Variants in NTAN1 observed in about 807,000 individuals in gnomAD.
The protein encoded by NTAN1 is protein N-terminal asparagine amidohydrolase.
A neutral mutation model predicts 41.9 loss-of-function variants in NTAN1; 32 were observed. The observed-to-expected ratio is 0.76, with a 90% CI of 0.58 to 1.03. The LOEUF (loss-of-function observed/expected upper bound fraction) is 1.03, where lower values mean the gene tolerates loss of function less well. Among genes scored for constraint, NTAN1 ranks in the 50% least tolerant of loss-of-function variants. The pLI is 0.00. For missense variants in NTAN1, 377 were observed against 377.5 expected, an observed-to-expected ratio of 1.00 and a Z score of 0.01; for synonymous variants, 140 against 139.5, an observed-to-expected ratio of 1.00 and a Z score of -0.03.
chr16:15,048,725 G>A (rs1237313857), intron 1 of NTAN1, among the ~76,000 whole-genome samples: 1 of 152,164 alleles, frequency 6.6e-6, no homozygotes, highest in African/African-American at 2.4e-5. Flanking sequence ...CCAGGCTCAA[G>A]CGATCCTACC....
At position 15,041,067 on chromosome 16, in the gene NTAN1, C is replaced by A. The variant is rs755348285; in HGVS notation, c.541+1G>T. Reference sequence around the variant, plus strand: ...ACCCACAAAAGATGCACACTACTTACCAATGCCATATATTACTGGAAAGTG... The same window carrying A: ...ACCCACAAAAGATGCACACTACTTAACAATGCCATATATTACTGGAAAGTG... On this transcript the variant is annotated splice_donor_variant, in intron 7 of 9. Transcript: ENST00000287706. LOFTEE classifies it high-confidence loss of function. 2 of 1,594,156 alleles carry A rather than the reference C, an allele frequency of 1.3e-6. No homozygotes were observed. The highest frequency in any genetic ancestry group is 1.1e-5 in the South Asian group (1 of 90,712).
chr16:15,051,815 C>T (rs559619523), intron 1 of NTAN1, among the ~76,000 whole-genome samples: 2 of 145,538 alleles, frequency 1.4e-5, no homozygotes, highest in African/African-American at 2.6e-5. Flanking sequence ...ATCCTCCCAC[C>T]TCAGCCTCCT....
chr16:15,043,981 A>G (rs2043941427), intron 5 of NTAN1, among the ~76,000 whole-genome samples: 1 of 152,170 alleles, frequency 6.6e-6, no homozygotes, highest in South Asian at 2.1e-4. Context: ...ATTTGCTAAT[A>G]GGGAAAAAAT....
intron 4 of NTAN1, 36 bp downstream of exon 4, chr16:15,047,406 A>G: frequency 1.5e-6 from 2 of 1,343,530 alleles, no homozygotes; most frequent in Non-Finnish European, 2.1e-6. Context: ...CGGTTCCAAG[A>G]TCTCAATTCA....
At chr16:15,038,326 G>C in intron 9 of NTAN1, 116 bp from the exon 10 acceptor site, 1 of 772,402 alleles carries the variant, frequency 1.3e-6, no homozygotes, top group Non-Finnish European at 2.0e-6. Flanking sequence ...AATACGTTAA[G>C]AAATGAGGTG....
chr16:15,045,862 A>G (rs1036298327), intron 4 of NTAN1: 2 of 152,250 alleles, frequency 1.3e-5, no homozygotes, highest in Non-Finnish European at 2.9e-5. Flanking sequence ...AATCTTCCTA[A>G]GGGATGAACC....
At chr16:15,044,673 G>C (rs2043973298) in intron 4 of NTAN1, 1 of 522,592 alleles carries the variant, frequency 1.9e-6, no homozygotes, top group African/African-American at 1.9e-5. Flanking sequence ...CACCAGTGGG[G>C]AACTTTGCTC....
At chr16:15,045,471 A>G (rs925760279) in intron 4 of NTAN1, 3 of 152,302 alleles carry the variant, frequency 2.0e-5, no homozygotes, top group Non-Finnish European at 2.9e-5. Context: ...TGTCTCAAAA[A>G]AAAAAAAAAA....
chr16:15,054,706 T>G (rs1250930764), intron 1 of NTAN1, among the ~76,000 whole-genome samples: 1 of 152,162 alleles, frequency 6.6e-6, no homozygotes, highest in Non-Finnish European at 1.5e-5. Flanking sequence ...GTGACCTCAT[T>G]TATGCAGCAA....
intron 1 of NTAN1, among the ~76,000 whole-genome samples, chr16:15,050,881 A>C (rs750296973): frequency 4.3e-4 from 65 of 152,372 alleles, no homozygotes; most frequent in Non-Finnish European, 7.5e-4. Context: ...CCCTTAATTT[A>C]AGAAACAAAC....
chr16:15,041,685 A>G lies in NTAN1; in HGVS notation c.434-9T>C, dbSNP rs372285060. On this transcript the variant is annotated splice_polypyrimidine_tract_variant and intron_variant, in intron 5 of 9. Transcript: ENST00000287706. ...TTGCCTGTCAAATTCACCTATGATG[A>G]GAATTTTAAGACCAGAAGTCAGAAA... 3 of 1,598,484 alleles carry G rather than the reference A, an allele frequency of 1.9e-6. No individual in the cohort carries two copies. Among genetic ancestry groups the G allele is most frequent in the Non-Finnish European group, 2.6e-6 (3 of 1,165,776 alleles).
rs753570333 is a variant in NTAN1 at position 15,041,198 on chromosome 16, G to A, written c.488-77C>T. 1,775 of 975,320 alleles carry A rather than the reference G, an allele frequency of 1.8e-3. 9 individuals carry two copies. The highest frequency in any genetic ancestry group is 2.5e-3 in the Non-Finnish European group (1,524 of 607,392). 60.4% of individuals were successfully genotyped at this position (975,320 alleles called of 1,614,324 possible). A position where few individuals can be genotyped will look rare whatever the true frequency, so the allele number is the denominator to read the frequency against. ...TATTTTTACTTTGTATAATAAAGGC[G>A]AAGGAGGAGCTCCTCGATGCAGAAA... On this transcript the variant is annotated intron_variant, in intron 6 of 9. Transcript: ENST00000287706.
At position 15,038,014 on chromosome 16, in the gene NTAN1, T is replaced by TTGG; in HGVS notation, c.*14_*16dup. The TTGG allele has an allele frequency of 6.2e-7, 1 of 1,601,162 alleles. No homozygotes were observed. Among genetic ancestry groups the TTGG allele is most frequent in the Non-Finnish European group, 8.5e-7 (1 of 1,171,918 alleles). ...CTGTCAGGCCAAGAAGGTGCTTTCT[T>TTGG]TGGTAATTCATGTTTTTTAACTTCC... On this transcript the variant is annotated 3_prime_UTR_variant, in exon 10 of 10. Transcript: ENST00000287706.
chr16:15,050,111 C>T (rs1033879171), intron 1 of NTAN1, among the ~76,000 whole-genome samples: 1 of 152,036 alleles, frequency 6.6e-6, no homozygotes, highest in Non-Finnish European at 1.5e-5. Flanking sequence ...GGCAAATTTA[C>T]GAAAGGTATG....
intron 1 of NTAN1, among the ~76,000 whole-genome samples, chr16:15,053,287 T>C (rs2044366944): frequency 6.6e-6 from 1 of 152,190 alleles, no homozygotes; most frequent in Non-Finnish European, 1.5e-5. Context: ...TGCCCCACAG[T>C]CCTCATCTGT....
At chr16:15,055,224 C>A (rs955911375) in intron 1 of NTAN1, among the ~76,000 whole-genome samples, 2 of 152,216 alleles carry the variant, frequency 1.3e-5, no homozygotes, top group African/African-American at 4.8e-5. Flanking sequence ...CCAACAGTCC[C>A]TGCATAAGCG....
chr16:15,049,434 A>T (rs563377344), intron 1 of NTAN1, among the ~76,000 whole-genome samples: 27 of 146,416 alleles, frequency 1.8e-4, no homozygotes, highest in African/African-American at 4.8e-4. Context: ...CTTTTATCTT[A>T]TTTTTTTTTT....
chr16:15,040,464 A>C (rs1273426939), intron 7 of NTAN1: 1 of 191,148 alleles, frequency 5.2e-6, no homozygotes, highest in East Asian at 1.4e-4. Flanking sequence ...GTTACAGAGA[A>C]TAGAACAGTG....
intron 8 of NTAN1, 58 bp downstream of exon 8, chr16:15,039,911 C>A (rs2043732023): frequency 1.0e-6 from 1 of 990,908 alleles, no homozygotes; most frequent in Non-Finnish European, 1.6e-6. Flanking sequence ...AACTTAAGGC[C>A]TTGACATTTG....
Sources: gnomAD v4.1 joint callset for allele counts (sites outside exome capture counted in the v4.1 genomes callset) on GRCh38, gnomAD v4.1.1 for gene constraint, MANE v1.5 for transcripts, NCBI Gene and HGNC (gene_info 2026-07-23, HGNC 2026-07-21) for gene names.